The following AGBL4 variants were observed in gnomAD, a reference collection of about 807,000 sequenced individuals.
The protein encoded by AGBL4 is cytosolic carboxypeptidase 6.
A neutral mutation model predicts 66.4 loss-of-function variants in AGBL4; 58 were observed. The ratio of observed to expected loss-of-function variants is 0.87; its 90% CI spans 0.71 to 1.09. The LOEUF (loss-of-function observed/expected upper bound fraction) is 1.09, where lower values mean the gene tolerates loss of function less well. AGBL4 is among the 50% of genes least tolerant of loss of function. AGBL4 has a pLI of 0.00. For missense variants in AGBL4, 579 were observed against 631.0 expected, an observed-to-expected ratio of 0.92 and a Z score of 0.88; for synonymous variants, 234 against 222.9, an observed-to-expected ratio of 1.05 and a Z score of -0.44.
chr1:49,895,024 T>C lies in AGBL4; in HGVS notation c.35-43506A>G, dbSNP rs567405654. 2.0e-5 allele frequency among the ~76,000 whole-genome samples: 3 copies of C among 151,742 alleles called. No individual in the cohort carries two copies. The East Asian group carries it at 5.8e-4, about 29-fold the overall frequency. Reference sequence around the variant, plus strand: ...CCCAAAAGTAGCAAGAAAAAAGAAATAAATAACATACAATGGAGTTCCAAT... The same window carrying C: ...CCCAAAAGTAGCAAGAAAAAAGAAACAAATAACATACAATGGAGTTCCAAT... On this transcript the variant is annotated intron_variant, in intron 1 of 13. Transcript: ENST00000371839.
chr1:49,568,056 A>G (rs1329070839), intron 3 of AGBL4, among the ~76,000 whole-genome samples: 1 of 152,192 alleles, frequency 6.6e-6, no homozygotes, highest in Non-Finnish European at 1.5e-5. Flanking sequence ...AACCAGCACA[A>G]AACAAAGATG....
chr1:49,143,968 C>T (rs1016596301), intron 4 of AGBL4, among the ~76,000 whole-genome samples: 1 of 152,182 alleles, frequency 6.6e-6, no homozygotes, highest in Non-Finnish European at 1.5e-5. Context: ...AAAGCAAGAC[C>T]ATTCACAGTG....
At chr1:49,995,345 G>A (rs577725452) in intron 1 of AGBL4, 138 of 451,196 alleles carry the variant, frequency 3.1e-4, no homozygotes, top group Non-Finnish European at 4.9e-4. Flanking sequence ...TTCAGGCTGC[G>A]TTGGAGCTGG....
chr1:49,513,502 T>A (rs1649467336), intron 3 of AGBL4, among the ~76,000 whole-genome samples: 1 of 152,022 alleles, frequency 6.6e-6, no homozygotes, highest in Middle Eastern at 3.2e-3. Flanking sequence ...AATTTATAAG[T>A]GAGAACATGT....
intron 1 of AGBL4, among the ~76,000 whole-genome samples, chr1:50,005,932 G>A (rs1661092904): frequency 6.6e-6 from 1 of 152,148 alleles, no homozygotes; most frequent in East Asian, 1.9e-4. Context: ...TGAGCTTAAA[G>A]GCAGGCTATT....
chr1:49,842,073 C>A, intron 2 of AGBL4: 1 of 355,496 alleles, frequency 2.8e-6, no homozygotes, highest in Non-Finnish European at 5.3e-6. Context: ...TCATGCCTGC[C>A]CTCTACCTGC....
intron 1 of AGBL4, among the ~76,000 whole-genome samples, chr1:49,987,235 A>G (rs1047618624): frequency 1.2e-4 from 18 of 152,228 alleles, no homozygotes; most frequent in Non-Finnish European, 2.2e-4. Flanking sequence ...AAGAGGCAGA[A>G]AAACAGTCTC....
chr1:50,002,359 C>CTTTTTTTTTTTTTTTTTTTTTTT (rs372960346), intron 1 of AGBL4, among the ~76,000 whole-genome samples: 1 of 96,054 alleles, frequency 1.0e-5, no homozygotes, highest in African/African-American at 4.5e-5. Flanking sequence ...TGCCCTAGTT[C>CTTTTTTTTTTTTTTTTTTTTTTT]TTTTTTTTTT....
intron 5 of AGBL4, among the ~76,000 whole-genome samples, chr1:48,918,256 C>A (rs1319879140): frequency 6.6e-6 from 1 of 152,152 alleles, no homozygotes; most frequent in Non-Finnish European, 1.5e-5. Context: ...CATATGAAAG[C>A]TAGGAATGCC....
At chr1:49,934,328 G>A (rs957492964) in intron 1 of AGBL4, among the ~76,000 whole-genome samples, 1 of 152,078 alleles carries the variant, frequency 6.6e-6, no homozygotes, top group Admixed American at 6.5e-5. Flanking sequence ...TTACCCAACA[G>A]CAGCAGAATA....
intron 3 of AGBL4, among the ~76,000 whole-genome samples, chr1:49,589,711 T>C (rs1192508712): frequency 2.0e-5 from 3 of 152,130 alleles, no homozygotes; most frequent in East Asian, 3.8e-4. Flanking sequence ...GCTGGTTTAT[T>C]ACTGCGAGAG....
intron 3 of AGBL4, among the ~76,000 whole-genome samples, chr1:49,402,980 G>A (rs1487057311): frequency 2.6e-5 from 4 of 152,156 alleles, no homozygotes; most frequent in African/African-American, 7.2e-5. Flanking sequence ...TAAATGAAAT[G>A]CTTCATAAAT....
chr1:49,569,290 A>G (rs1644279064), intron 3 of AGBL4, among the ~76,000 whole-genome samples: 1 of 152,156 alleles, frequency 6.6e-6, no homozygotes, highest in South Asian at 2.1e-4. Flanking sequence ...ACCTAGAAAG[A>G]ATGGGTAAAA....
Position 49,468,533 on chromosome 1 carries a change from C to T in AGBL4, c.283-222669G>A, listed in dbSNP as rs1193613381. Among the ~76,000 whole-genome samples, 3 of 151,858 alleles carry T rather than the reference C, an allele frequency of 2.0e-5. No individual in the cohort carries two copies. In the East Asian group the frequency reaches 5.8e-4, roughly 29 times the overall value. ...AATCACAGGATAATTTGCCTCATGTCAGTCCAGCTCTTATGGATTATCCCT... is the reference window on the plus strand; with the variant it reads ...AATCACAGGATAATTTGCCTCATGTTAGTCCAGCTCTTATGGATTATCCCT... On this transcript the variant is annotated intron_variant, in intron 3 of 13. Transcript: ENST00000371839.
At chr1:49,639,308 A>G (rs1353308975) in intron 3 of AGBL4, among the ~76,000 whole-genome samples, 1 of 152,356 alleles carries the variant, frequency 6.6e-6, no homozygotes, top group African/African-American at 2.4e-5. Flanking sequence ...ACAGTAATTT[A>G]GAAAATAATA....
rs1648184431 is a variant in AGBL4 at position 48,867,187 on chromosome 1, TCAC to T, written c.634+1_634+3del. The T allele has an allele frequency of 6.2e-7, 1 of 1,613,394 alleles. No homozygotes were observed. Among genetic ancestry groups the T allele is most frequent in the African/African-American group, 1.3e-5 (1 of 74,918 alleles). On this transcript the variant is annotated splice_donor_variant and splice_donor_region_variant and intron_variant, in intron 6 of 13. Transcript: ENST00000371839. LOFTEE classifies it high-confidence loss of function. ...GCAAAGGCAGAAGGGCCACGCCTAC[TCAC>T]CAGGGCTGGTTATCGTCAGGAGGTC... is the stretch of plus-strand genomic sequence containing the variant.
At chr1:49,484,931 A>T (rs549393326) in intron 3 of AGBL4, among the ~76,000 whole-genome samples, 5 of 152,104 alleles carry the variant, frequency 3.3e-5, no homozygotes, top group Non-Finnish European at 7.4e-5. Flanking sequence ...AATGTAAAAG[A>T]AAAAAGCAGA....
chr1:49,954,042 T>A (rs1656381816), intron 1 of AGBL4, among the ~76,000 whole-genome samples: 1 of 151,808 alleles, frequency 6.6e-6, no homozygotes, highest in African/African-American at 2.4e-5. Flanking sequence ...TACAGGTGTG[T>A]GCCACTCCAC....
At chr1:49,443,578 C>A (rs184099866) in intron 3 of AGBL4, among the ~76,000 whole-genome samples, 22 of 151,958 alleles carry the variant, frequency 1.4e-4, no homozygotes, top group Admixed American at 3.3e-4. Flanking sequence ...GGCTGTACAT[C>A]TGTGGCTTCA....
Sources: gnomAD v4.1 joint callset for allele counts (sites outside exome capture counted in the v4.1 genomes callset) on GRCh38, gnomAD v4.1.1 for gene constraint, MANE v1.5 for transcripts, NCBI Gene and HGNC (gene_info 2026-07-23, HGNC 2026-07-21) for gene names.